The following PARP8 variants were observed in gnomAD, a reference collection of about 807,000 sequenced individuals.
PARP8 encodes the protein poly(ADP-ribose) polymerase family member 8.
PARP8 carries 51 observed loss-of-function variants against 124.1 expected under a neutral mutation model. The observed-to-expected ratio is 0.41, with a 90% CI of 0.33 to 0.52. PARP8 has a LOEUF of 0.52. Among genes scored for constraint, PARP8 ranks in the 20% least tolerant of loss-of-function variants. PARP8 has a pLI of 0.21. For synonymous variants in PARP8, 391 were observed against 361.5 expected, an observed-to-expected ratio of 1.08 and a Z score of -0.93; for missense variants, 860 against 1,018.9, an observed-to-expected ratio of 0.84 and a Z score of 2.12.
intron 22 of PARP8, among the ~76,000 whole-genome samples, chr5:50,832,188 C>G (rs27251): frequency 0.098 from 14,959 of 152,168 alleles, 791 homozygotes; most frequent in South Asian, 0.16. Flanking sequence ...TGAACACTTT[C>G]TAATAAAGTG....
At chr5:50,708,495 T>C (rs960959354) in intron 2 of PARP8, among the ~76,000 whole-genome samples, 3 of 152,126 alleles carry the variant, frequency 2.0e-5, no homozygotes, top group African/African-American at 7.2e-5. Context: ...TGAGAAGGTA[T>C]GGAATTCTGT....
At chr5:50,695,058 G>C (rs1012318620) in intron 2 of PARP8, among the ~76,000 whole-genome samples, 1 of 152,166 alleles carries the variant, frequency 6.6e-6, no homozygotes, top group Non-Finnish European at 1.5e-5. Context: ...GGATGGGTCT[G>C]CCTCTCCCAG....
At chr5:50,837,293 A>G (rs963448581) in intron 25 of PARP8, among the ~76,000 whole-genome samples, 6 of 152,170 alleles carry the variant, frequency 3.9e-5, no homozygotes, top group Admixed American at 2.0e-4. Flanking sequence ...AGGAAAATTG[A>G]TAAATTCAAA....
At chr5:50,819,533 C>T (rs1321234956) in intron 15 of PARP8, among the ~76,000 whole-genome samples, 5 of 147,650 alleles carry the variant, frequency 3.4e-5, no homozygotes, top group East Asian at 2.0e-4. Context: ...CTCCAGCTCC[C>T]GGGTTCAAGC....
chr5:50,679,895 C>T (rs1751080469), intron 2 of PARP8, among the ~76,000 whole-genome samples: 1 of 152,106 alleles, frequency 6.6e-6, no homozygotes, highest in Non-Finnish European at 1.5e-5. Flanking sequence ...GTGAGTTAGG[C>T]AAAGAAGATA....
At chr5:50,784,786 T>G (rs1741062615) in intron 9 of PARP8, among the ~76,000 whole-genome samples, 1 of 152,118 alleles carries the variant, frequency 6.6e-6, no homozygotes, top group Non-Finnish European at 1.5e-5. Flanking sequence ...TTTGTTTGCT[T>G]TTTTTGCTTA....
chr5:50,779,428 C>T (rs928552936), intron 9 of PARP8, among the ~76,000 whole-genome samples: 1 of 152,156 alleles, frequency 6.6e-6, no homozygotes, highest in African/African-American at 2.4e-5. Flanking sequence ...TGGATACACA[C>T]AATGCTGGAC....
chr5:50,744,341 C>T (rs1012407009), intron 2 of PARP8, among the ~76,000 whole-genome samples: 5 of 151,888 alleles, frequency 3.3e-5, no homozygotes, highest in African/African-American at 1.2e-4. Flanking sequence ...AGTGTAGATA[C>T]AAGAATGACC....
At chr5:50,815,078 T>A (rs533322835) in intron 14 of PARP8, among the ~76,000 whole-genome samples, 2 of 152,254 alleles carry the variant, frequency 1.3e-5, no homozygotes, top group East Asian at 3.9e-4. Flanking sequence ...TATTGTTATA[T>A]CACCAGCTTA....
At chr5:50,783,929 T>C (rs1290285994) in intron 9 of PARP8, among the ~76,000 whole-genome samples, 1 of 152,220 alleles carries the variant, frequency 6.6e-6, no homozygotes, top group Non-Finnish European at 1.5e-5. Flanking sequence ...ATGTTAGCTG[T>C]TGATAGCTAG....
chr5:50,778,190 G>T (rs1740251778), intron 8 of PARP8, 61 bp downstream of exon 8: 3 of 1,264,200 alleles, frequency 2.4e-6, no homozygotes, highest in South Asian at 1.4e-5. Context: ...TTTTATTTTT[G>T]GGGGAAATTT....
chr5:50,804,449 C>G (rs27469), intron 14 of PARP8, among the ~76,000 whole-genome samples: 2 of 151,990 alleles, frequency 1.3e-5, no homozygotes, highest in Admixed American at 1.3e-4. Context: ...CCCATTTGCC[C>G]CAACAATACT....
intron 2 of PARP8, chr5:50,745,014 T>C (rs1297193059): frequency 4.6e-6 from 2 of 437,778 alleles, no homozygotes; most frequent in Admixed American, 7.4e-5. Flanking sequence ...TTGTACTAGA[T>C]TGTTTCCCTT....
chr5:50,834,510 A>T (rs1284689601), intron 24 of PARP8, among the ~76,000 whole-genome samples: 7 of 152,086 alleles, frequency 4.6e-5, no homozygotes, highest in Admixed American at 6.6e-5. Flanking sequence ...AAGATGATAT[A>T]CTTTTCTTTG....
intron 3 of PARP8, among the ~76,000 whole-genome samples, chr5:50,756,905 G>A (rs1760021762): frequency 6.6e-6 from 1 of 152,170 alleles, no homozygotes; most frequent in South Asian, 2.1e-4. Flanking sequence ...CCGTATAGAA[G>A]TGAAATCATG....
chr5:50,810,626 T>C (rs865896478), intron 14 of PARP8, among the ~76,000 whole-genome samples: 9 of 152,080 alleles, frequency 5.9e-5, no homozygotes, highest in Non-Finnish European at 1.2e-4. Flanking sequence ...AATCACTTAA[T>C]GTAATTTGAG....
chr5:50,791,150 C>A (rs1368313860), intron 10 of PARP8, among the ~76,000 whole-genome samples: 2 of 152,244 alleles, frequency 1.3e-5, no homozygotes, highest in Non-Finnish European at 2.9e-5. Context: ...TACTGAATAA[C>A]TTTTTCACAG....
At chr5:50,824,878 A>C (rs1201239777) in intron 17 of PARP8, 30 bp from the exon 18 acceptor site, 1 of 1,580,646 alleles carries the variant, frequency 6.3e-7, no homozygotes, top group Non-Finnish European at 8.7e-7. Flanking sequence ...TTTTTATGAA[A>C]AATCAAGAAG....
intron 2 of PARP8, among the ~76,000 whole-genome samples, chr5:50,704,875 C>T (rs543406274): frequency 6.6e-6 from 1 of 152,266 alleles, no homozygotes; most frequent in Non-Finnish European, 1.5e-5. Flanking sequence ...GTTTTGGAAG[C>T]CTGGATTCGT....
Sources: gnomAD v4.1 joint callset for allele counts (sites outside exome capture counted in the v4.1 genomes callset) on GRCh38, gnomAD v4.1.1 for gene constraint, MANE v1.5 for transcripts, NCBI Gene and HGNC (gene_info 2026-07-23, HGNC 2026-07-21) for gene names.